The following CADPS variants were observed in gnomAD, a reference collection of about 807,000 sequenced individuals.
CADPS encodes the protein calcium dependent secretion activator.
Under a neutral mutation model 167.3 loss-of-function variants are expected in CADPS, and 57 were observed. That is an observed-to-expected ratio of 0.34 (90% CI 0.28 to 0.42). The LOEUF (loss-of-function observed/expected upper bound fraction) is 0.42. Among genes scored for constraint, CADPS ranks in the 20% least tolerant of loss-of-function variants. CADPS has a pLI of 1.00. For missense variants in CADPS, 1,414 were observed against 1,738.1 expected (o/e 0.81, Z 3.32); for synonymous variants, 676 against 635.3 (o/e 1.06, Z -0.96).
intron 14 of CADPS, among the ~76,000 whole-genome samples, chr3:62,517,918 A>G (rs2069402322): frequency 6.6e-6 from 1 of 152,204 alleles, no homozygotes; most frequent in Non-Finnish European, 1.5e-5. Context: ...GACCAGGGTC[A>G]GCTCAAACAT....
intron 1 of CADPS, among the ~76,000 whole-genome samples, chr3:62,783,315 A>G (rs988011800): frequency 6.6e-6 from 1 of 151,310 alleles, no homozygotes; most frequent in Admixed American, 6.6e-5. Flanking sequence ...AAGAACTGCT[A>G]TTGTTTCCTT....
rs1422464700 is a variant in CADPS, at chr3:62,711,418, GT to G, written c.888+42022del. 3.9e-5 allele frequency among the ~76,000 whole-genome samples: 6 copies of G among 152,302 alleles called. No individual in the cohort carries two copies. In the South Asian group the frequency reaches 1.2e-3, roughly 32 times the overall value. ...AATGTTACATTTCAGGTAAAGGTTA[GT>G]AAAAATAAAGATGCAATTTGATTTT... On this transcript the variant is annotated intron_variant, in intron 3 of 29. Coordinates refer to ENST00000383710, the MANE Select transcript of CADPS (RefSeq NM_003716.4).
At chr3:62,778,980 T>C (rs1387820415) in intron 1 of CADPS, among the ~76,000 whole-genome samples, 1 of 151,590 alleles carries the variant, frequency 6.6e-6, no homozygotes, top group Non-Finnish European at 1.5e-5. Flanking sequence ...AACCTCCACC[T>C]GCCGGGTTCA....
At chr3:62,629,770 TTGTTTG>T (rs1429971771) in intron 6 of CADPS, among the ~76,000 whole-genome samples, 7 of 151,762 alleles carry the variant, frequency 4.6e-5, no homozygotes. Flanking sequence ...TTTTTTTTGT[TTGTTTG>T]TTTGTTTTTT....
intron 13 of CADPS, among the ~76,000 whole-genome samples, chr3:62,532,157 C>T (rs2073830571): frequency 6.6e-6 from 1 of 152,198 alleles, no homozygotes; most frequent in Admixed American, 6.6e-5. Flanking sequence ...TTCCTTTTGC[C>T]TGGAACCACT....
At chr3:62,866,495 A>G (rs1463685966) in intron 1 of CADPS, among the ~76,000 whole-genome samples, 1 of 151,978 alleles carries the variant, frequency 6.6e-6, no homozygotes, top group Non-Finnish European at 1.5e-5. Context: ...GGTAATTTAA[A>G]TATAAACTAC....
At chr3:62,856,132 T>C (rs1260872821) in intron 1 of CADPS, among the ~76,000 whole-genome samples, 1 of 152,128 alleles carries the variant, frequency 6.6e-6, no homozygotes, top group Non-Finnish European at 1.5e-5. Context: ...CCTCAGCTGA[T>C]AGGGACAGAA....
intron 3 of CADPS, among the ~76,000 whole-genome samples, chr3:62,682,476 A>G (rs1461668655): frequency 6.6e-6 from 1 of 152,084 alleles, no homozygotes; most frequent in Non-Finnish European, 1.5e-5. Flanking sequence ...TGAGTGCTTC[A>G]GAAATCATCT....
intron 1 of CADPS, among the ~76,000 whole-genome samples, chr3:62,817,785 G>A (rs503509): frequency 0.036 from 5,544 of 152,156 alleles, 342 homozygotes; most frequent in African/African-American, 0.13. Flanking sequence ...TAGATAAATT[G>A]GTACAATGTG....
At chr3:62,807,020 T>G (rs533844296) in intron 1 of CADPS, among the ~76,000 whole-genome samples, 1 of 152,272 alleles carries the variant, frequency 6.6e-6, no homozygotes, top group South Asian at 2.1e-4. Flanking sequence ...CTTCAATGAG[T>G]CTTTAATTCC....
chr3:62,498,293 T>C, intron 18 of CADPS: 5 of 381,142 alleles, frequency 1.3e-5, no homozygotes, highest in East Asian at 8.2e-5. Flanking sequence ...TTCCATTTAG[T>C]CATGGAATGA....
intron 1 of CADPS, among the ~76,000 whole-genome samples, chr3:62,852,782 C>A (rs2078891687): frequency 1.3e-5 from 2 of 152,130 alleles, no homozygotes; most frequent in Admixed American, 1.3e-4. Context: ...AGGCCATGAA[C>A]CATCCTTGTT....
intron 26 of CADPS, among the ~76,000 whole-genome samples, chr3:62,461,123 G>C (rs1201767293): frequency 2.0e-5 from 3 of 152,204 alleles, no homozygotes; most frequent in African/African-American, 7.2e-5. Context: ...ACCTTTCCAA[G>C]CCTTAGTTTC....
At position 62,785,576 on chromosome 3, in the gene CADPS, G is replaced by C. The variant is rs114359472; in HGVS notation, c.442-19592C>G. ...AAGAATGTAATGTGATACTGTTAAA[G>C]ACCCATCAGCTTCCCTGCTCCCATA... On this transcript the variant is annotated intron_variant, in intron 1 of 29. Transcript: ENST00000383710. 7.4e-3 allele frequency among the ~76,000 whole-genome samples: 1,123 copies of C among 152,306 alleles called. 21 individuals carry two copies. Among genetic ancestry groups the C allele is most frequent in the African/African-American group, 0.026 (1,061 of 41,546 alleles).
chr3:62,671,632 T>C (rs945023089), intron 3 of CADPS, among the ~76,000 whole-genome samples: 4 of 152,282 alleles, frequency 2.6e-5, no homozygotes, highest in East Asian at 3.9e-4. Flanking sequence ...TTCCCTCTGA[T>C]ACAAAGCAGT....
intron 11 of CADPS, among the ~76,000 whole-genome samples, chr3:62,540,011 G>A (rs553948271): frequency 6.6e-6 from 1 of 152,254 alleles, no homozygotes; most frequent in South Asian, 2.1e-4. Flanking sequence ...GATCTGAAGA[G>A]AAGTACCTGG....
chr3:62,853,778 T>C (rs1229007395), intron 1 of CADPS, among the ~76,000 whole-genome samples: 4 of 151,888 alleles, frequency 2.6e-5, no homozygotes, highest in Non-Finnish European at 5.9e-5. Flanking sequence ...CTGGGCAACA[T>C]GGCAAAACCC....
chr3:62,873,617 CTT>C lies in CADPS; in HGVS notation c.441+970_441+971del, dbSNP rs3047307. On this transcript the variant is annotated intron_variant, in intron 1 of 29. Transcript: ENST00000383710. ...AAGAACAGCTGATAGAAATAGGCGC[CTT>C]TTTTTTTTTTTTTTTAACATCAAAG... 2.1e-3 allele frequency among the ~76,000 whole-genome samples: 274 copies of C among 132,248 alleles called. 1 individual carries two copies. The highest frequency in any genetic ancestry group is 6.8e-3 in the African/African-American group (235 of 34,750). 86.8% of individuals were successfully genotyped at this position (132,248 alleles called of 152,430 possible).
At position 62,516,141 on chromosome 3, in the gene CADPS, C is replaced by G; in HGVS notation, c.2499G>C (p.Glu833Asp). ...GACATTTACGGATAACTGTTTTTAC[C>G]TCCTCTTGTGGCACTGGGGTAACAA... The part of the protein sequence containing the change: ...KDIVTPVPQE[E>D]VKTVIRKCLE... The change falls in exon 16 of 30, where the codon GAG (glutamate) becomes GAC (aspartate). Residue 833 changes from glutamate to aspartate, a missense_variant. Glu to Asp is a conservative substitution (Grantham distance 45). This residue lies in a region of CADPS where 529 missense variants were observed against 629.6 expected (regional missense o/e 0.84). Transcript: ENST00000383710. The G allele has an allele frequency of 6.2e-7, 1 of 1,613,274 alleles. No homozygotes were observed.
Sources: allele counts gnomAD v4.1 joint callset (sites outside exome capture counted in the v4.1 genomes callset), GRCh38; gene constraint gnomAD v4.1.1; regional missense constraint gnomAD v4.1.1; transcripts MANE v1.5; gene names NCBI Gene and HGNC (gene_info 2026-07-23, HGNC 2026-07-21).